NCMAP: variants seen among roughly 807,000 people sequenced by gnomAD.
NCMAP encodes noncompact myelin-associated protein.
NCMAP carries 8 observed loss-of-function variants against 7.8 expected under a neutral mutation model. The ratio of observed to expected loss-of-function variants is 1.02; its 90% CI spans 0.60 to 1.84. NCMAP has a LOEUF of 1.84. Ranked by LOEUF, NCMAP falls within the 40% of genes most tolerant of loss-of-function variation. The pLI is 0.00. For missense variants in NCMAP, 112 were observed against 131.4 expected, an observed-to-expected ratio of 0.85 and a Z score of 0.72; for synonymous variants, 41 against 52.9, an observed-to-expected ratio of 0.78 and a Z score of 0.98.
intron 1 of NCMAP, among the ~76,000 whole-genome samples, chr1:24,587,635 T>C (rs1651929684): frequency 6.6e-6 from 1 of 152,060 alleles, no homozygotes; most frequent in Non-Finnish European, 1.5e-5. Context: ...AGCCTCAGCC[T>C]CCCAAGTAGC....
chr1:24,578,560 C>CTTTCTTTT (rs1651657143), intron 1 of NCMAP, among the ~76,000 whole-genome samples: 2 of 107,378 alleles, frequency 1.9e-5, no homozygotes, highest in African/African-American at 8.7e-5. Flanking sequence ...TTCTTTCTTT[C>CTTTCTTTT]TTTTTTTTTT....
At chr1:24,568,020 C>A (rs1208699486) in intron 1 of NCMAP, among the ~76,000 whole-genome samples, 1 of 152,066 alleles carries the variant, frequency 6.6e-6, no homozygotes, top group Non-Finnish European at 1.5e-5. Flanking sequence ...CCAGGTCACA[C>A]TCCCGTGACC....
At chr1:24,573,971 A>AAAAAAAAAAAAAC (rs1337931415) in intron 1 of NCMAP, among the ~76,000 whole-genome samples, 7 of 137,540 alleles carry the variant, frequency 5.1e-5, no homozygotes, top group African/African-American at 2.1e-4. Context: ...AAAAAAAAAA[A>AAAAAAAAAAAAAC]CAGAAAAAAG....
chr1:24,604,006 A>T (rs1330336129), intron 3 of NCMAP, among the ~76,000 whole-genome samples: 2 of 152,232 alleles, frequency 1.3e-5, no homozygotes, highest in Non-Finnish European at 2.9e-5. Context: ...TTGCTCTGTT[A>T]TCCACGATAG....
At chr1:24,583,969 G>A (rs922106310) in intron 1 of NCMAP, among the ~76,000 whole-genome samples, 3 of 152,142 alleles carry the variant, frequency 2.0e-5, no homozygotes, top group Non-Finnish European at 2.9e-5. Context: ...GACCTGCCTC[G>A]CTGTGTGGAT....
At position 24,575,379 on chromosome 1, in the gene NCMAP, G is replaced by T. The variant is rs115690768; in HGVS notation, c.-8+19210G>T. Among the ~76,000 whole-genome samples the T allele has an allele frequency of 7.0e-3, 1,072 of 152,182 alleles. 15 individuals carry two copies. The highest frequency in any genetic ancestry group is 0.025 in the African/African-American group (1,021 of 41,512). ...GCCCCACAGAAGTCATAATGCACCC[G>T]ACTGAGTCTTCATTCGTTCAGACAG... On this transcript the variant is annotated intron_variant, in intron 1 of 3. Transcript: ENST00000374392.
At chr1:24,597,656 AAAG>A in intron 2 of NCMAP, among the ~76,000 whole-genome samples, 1 of 136,664 alleles carries the variant, frequency 7.3e-6, no homozygotes. Context: ...AGAAAGAAAG[AAAG>A]AAAGAAAGAA....
At chr1:24,596,814 T>A (rs1652245727) in intron 2 of NCMAP, among the ~76,000 whole-genome samples, 1 of 152,196 alleles carries the variant, frequency 6.6e-6, no homozygotes, top group Non-Finnish European at 1.5e-5. Context: ...GGGGAGGCAT[T>A]TGCCGTGAAC....
intron 1 of NCMAP, among the ~76,000 whole-genome samples, chr1:24,562,623 C>T (rs1309081419): frequency 2.0e-5 from 3 of 152,264 alleles, no homozygotes; most frequent in African/African-American, 7.2e-5. Flanking sequence ...AACTCACCTG[C>T]TTCAGGTCCC....
At chr1:24,604,940 C>A (rs907569156) in intron 3 of NCMAP, among the ~76,000 whole-genome samples, 2 of 151,278 alleles carry the variant, frequency 1.3e-5, no homozygotes, top group African/African-American at 4.9e-5. Context: ...CATGTTGAAA[C>A]CCCATCTCTA....
In NCMAP at chr1:24,605,757, T is replaced by C; in HGVS notation, c.*10T>C. ...GGTGGAGACGCGATGACCTCTACCC[T>C]GGCGCTATCTCCACCACTGTCCAAA... On this transcript the variant is annotated 3_prime_UTR_variant, in exon 4 of 4. Transcript: ENST00000374392. 2.5e-6 allele frequency: 4 copies of C among 1,613,494 alleles called. No homozygotes were observed. The highest frequency in any genetic ancestry group is 3.4e-6 in the Non-Finnish European group (4 of 1,179,570).
chr1:24,569,406 C>T (rs1354548945), intron 1 of NCMAP, among the ~76,000 whole-genome samples: 2 of 150,708 alleles, frequency 1.3e-5, no homozygotes, highest in Non-Finnish European at 2.9e-5. Context: ...CTTTCCTTCC[C>T]TAATGTGCCC....
In NCMAP at chr1:24,570,334, T is replaced by A. The variant is rs866145830; in HGVS notation, c.-8+14165T>A. Among the ~76,000 whole-genome samples the A allele has an allele frequency of 4.0e-4, 60 of 150,564 alleles. 1 individual carries two copies. Among genetic ancestry groups the A allele is most frequent in the South Asian group, 8.3e-4 (4 of 4,800 alleles). On this transcript the variant is annotated intron_variant, in intron 1 of 3. Coordinates refer to ENST00000374392, the MANE Select transcript of NCMAP (RefSeq NM_001010980.5). ...AGGCCCCATCTCTAACAAAAAAAAA[T>A]TTTTTTATAGATTAGTCGAGTGCAG...
At position 24,607,994 on chromosome 1, in the gene NCMAP, C is replaced by T. The variant is rs1056675554; in HGVS notation, c.*2247C>T. On this transcript the variant is annotated 3_prime_UTR_variant, in exon 4 of 4. Coordinates refer to ENST00000374392, the MANE Select transcript of NCMAP (RefSeq NM_001010980.5). ...GAATAGCTCTGGAGAAATACTGGCA[C>T]ATTCTTCCTCTCTGGTCATTATTTC... The T allele has an allele frequency of 1.3e-5, 2 of 152,216 alleles. No homozygotes were observed. Among genetic ancestry groups the T allele is most frequent in the African/African-American group, 4.8e-5 (2 of 41,450 alleles). The allele number at this position is 152,216 out of a possible 1,614,324, so 9.4% of individuals were successfully genotyped here.
chr1:24,573,688 A>G (rs1651456056), intron 1 of NCMAP, among the ~76,000 whole-genome samples: 1 of 150,636 alleles, frequency 6.6e-6, no homozygotes, highest in Admixed American at 6.6e-5. Flanking sequence ...CTATAATCCC[A>G]GAACTTTGGA....
chr1:24,557,436 G>T (rs973088786), intron 1 of NCMAP, among the ~76,000 whole-genome samples: 1 of 151,138 alleles, frequency 6.6e-6, no homozygotes, highest in Non-Finnish European at 1.5e-5. Flanking sequence ...TGTGCATGTG[G>T]GTGTGTGCAC....
chr1:24,595,167 T>TA (rs1452102369), intron 1 of NCMAP, among the ~76,000 whole-genome samples: 1 of 152,198 alleles, frequency 6.6e-6, no homozygotes, highest in Non-Finnish European at 1.5e-5. Context: ...TTGATCCAGA[T>TA]ATTTGAAGGA....
Position 24,576,340 on chromosome 1 carries a change from G to A in NCMAP, c.-7-19084G>A, listed in dbSNP as rs957482884. On this transcript the variant is annotated intron_variant, in intron 1 of 3. Coordinates refer to ENST00000374392, the MANE Select transcript of NCMAP (RefSeq NM_001010980.5). This position sits in a 1 kb window ranked among gnomAD's most constrained non-coding sequence, Gnocchi z 4.0. ...GACACCGCAGGTCCCCCAGACAAAC[G>A]CCCCTCTGTATCTTTGGGCCTATTG... 6.6e-6 allele frequency among the ~76,000 whole-genome samples: 1 copy of A among 152,188 alleles called. No homozygotes were observed. The highest frequency in any genetic ancestry group is 1.5e-5 in the Non-Finnish European group (1 of 68,038).
intron 1 of NCMAP, among the ~76,000 whole-genome samples, chr1:24,561,565 G>A (rs1651054345): frequency 6.6e-6 from 1 of 152,102 alleles, no homozygotes; most frequent in African/African-American, 2.4e-5. Context: ...ACTCCAGCCA[G>A]GCCCTTCACT....
Sources: gnomAD v4.1 joint callset for allele counts (sites outside exome capture counted in the v4.1 genomes callset) on GRCh38, gnomAD v4.1.1 for gene constraint, Gnocchi (gnomAD v3.1) non-coding constraint, MANE v1.5 for transcripts, NCBI Gene and HGNC (gene_info 2026-07-23, HGNC 2026-07-21) for gene names.